Variants in CSNK2A2 observed in about 807,000 individuals in gnomAD.
The protein encoded by CSNK2A2 is casein kinase II subunit alpha'.
A neutral mutation model predicts 54.0 loss-of-function variants in CSNK2A2; 8 were observed. The observed-to-expected ratio is 0.15, with a 90% CI of 0.09 to 0.27. The LOEUF is 0.27. Among genes scored for constraint, CSNK2A2 ranks in the 10% least tolerant of loss-of-function variants. CSNK2A2 has a pLI of 1.00. For missense variants in CSNK2A2, 242 were observed against 439.4 expected, an observed-to-expected ratio of 0.55 and a Z score of 4.02; for synonymous variants, 141 against 153.9, an observed-to-expected ratio of 0.92 and a Z score of 0.62.
chr16:58,168,155 G>C (rs866490911), intron 6 of CSNK2A2, among the ~76,000 whole-genome samples: 1 of 151,948 alleles, frequency 6.6e-6, no homozygotes, highest in South Asian at 2.1e-4. Context: ...AAAGGGCTGG[G>C]GACACACATC....
At chr16:58,185,527 C>T (rs1250311092) in intron 3 of CSNK2A2, among the ~76,000 whole-genome samples, 1 of 152,210 alleles carries the variant, frequency 6.6e-6, no homozygotes, top group East Asian at 1.9e-4. Context: ...ATACCACATA[C>T]TGACTCACAT....
Position 58,168,806 on chromosome 16 carries a change from A to G in CSNK2A2, c.430-113T>C, listed in dbSNP as rs572532862. The G allele has an allele frequency of 9.0e-6, 7 of 777,722 alleles. No homozygotes were observed. In the African/African-American group the frequency reaches 1.2e-4, roughly 13 times the overall value. The allele number at this position is 777,722 out of a possible 1,614,324, so 48.2% of individuals were successfully genotyped here. ...ACTTGAATACAGTCCCCCAACGGGC[A>G]GCTTGCTGCCTGTAATGAAAGAGAA... is the stretch of plus-strand genomic sequence containing the variant. On this transcript the variant is annotated intron_variant, in intron 5 of 11. Coordinates refer to ENST00000262506, the MANE Select transcript of CSNK2A2 (RefSeq NM_001896.4).
intron 2 of CSNK2A2, among the ~76,000 whole-genome samples, chr16:58,191,074 G>A (rs1431384482): frequency 6.6e-6 from 1 of 152,204 alleles, no homozygotes; most frequent in Non-Finnish European, 1.5e-5. Context: ...GCATGCAACA[G>A]TGATAAACTT....
intron 4 of CSNK2A2, among the ~76,000 whole-genome samples, chr16:58,179,053 T>C (rs1339782066): frequency 6.6e-6 from 1 of 152,186 alleles, no homozygotes; most frequent in African/African-American, 2.4e-5. Context: ...GATGGCATTA[T>C]TGTATAAATA....
In CSNK2A2 at chr16:58,188,222, C is replaced by A. The variant is rs529882108; in HGVS notation, c.217-1366G>T. Among the ~76,000 whole-genome samples, 10 of 152,328 alleles carry A rather than the reference C, an allele frequency of 6.6e-5. 1 individual carries two copies. The South Asian group carries it at 1.5e-3, about 22-fold the overall frequency. ...CAACTGACAGGCTGGGCTCTCGCTGCGTCCTTGTGAGCCAGCTGCCATGAT... is the reference window on the plus strand; with the variant it reads ...CAACTGACAGGCTGGGCTCTCGCTGAGTCCTTGTGAGCCAGCTGCCATGAT... On this transcript the variant is annotated intron_variant, in intron 2 of 11. Transcript: ENST00000262506.
At chr16:58,170,257 A>G (rs1464818874) in intron 5 of CSNK2A2, among the ~76,000 whole-genome samples, 1 of 151,784 alleles carries the variant, frequency 6.6e-6, no homozygotes, top group East Asian at 1.9e-4. Context: ...ACTTCTCCCA[A>G]CCCCTCCGTG....
At chr16:58,178,438 T>C (rs951735523) in intron 4 of CSNK2A2, among the ~76,000 whole-genome samples, 3 of 151,846 alleles carry the variant, frequency 2.0e-5, no homozygotes, top group African/African-American at 7.3e-5. Flanking sequence ...GCGTGCACCA[T>C]AGCCCGCCGA....
chr16:58,159,190 A>C (rs1211320455), intron 11 of CSNK2A2: 1 of 152,328 alleles, frequency 6.6e-6, no homozygotes, highest in Non-Finnish European at 1.5e-5. Flanking sequence ...TCAGAGGCTC[A>C]GTGAGAAGAA....
At chr16:58,173,777 C>T (rs182114392) in intron 5 of CSNK2A2, among the ~76,000 whole-genome samples, 1 of 152,312 alleles carries the variant, frequency 6.6e-6, no homozygotes, top group African/African-American at 2.4e-5. Flanking sequence ...CAATGCTTTT[C>T]CCATCAAGAG....
chr16:58,166,463 G>C, intron 9 of CSNK2A2, 121 bp downstream of exon 9: 1 of 597,358 alleles, frequency 1.7e-6, no homozygotes, highest in Non-Finnish European at 2.9e-6. Context: ...ATATGCATAG[G>C]AAAAAAGAGG....
At chr16:58,173,214 T>C (rs1465602871) in intron 5 of CSNK2A2, among the ~76,000 whole-genome samples, 2 of 152,206 alleles carry the variant, frequency 1.3e-5, no homozygotes, top group Admixed American at 6.5e-5. Flanking sequence ...AGCTCGACCT[T>C]TTTCGTGTTT....
At chr16:58,167,879 AC>A in intron 6 of CSNK2A2, 84 bp from the exon 7 acceptor site, 3 of 1,029,162 alleles carry the variant, frequency 2.9e-6, no homozygotes, top group Non-Finnish European at 4.5e-6. Flanking sequence ...ACATTAGGTA[AC>A]AATCATTTGG....
intron 4 of CSNK2A2, among the ~76,000 whole-genome samples, chr16:58,183,054 T>C (rs1242894856): frequency 6.6e-6 from 1 of 152,126 alleles, no homozygotes; most frequent in African/African-American, 2.4e-5. Context: ...TTAGTCATTT[T>C]AGAGTGATTA....
Position 58,197,110 on chromosome 16 carries a change from C to A in CSNK2A2, c.105-266G>T. 1 of 442,358 alleles carries A rather than the reference C, an allele frequency of 2.3e-6. No homozygotes were observed. The highest frequency in any genetic ancestry group is 3.4e-5 in the Admixed American group (1 of 29,482). 27.4% of individuals were successfully genotyped at this position (442,358 alleles called of 1,614,324 possible). Reference sequence around the variant, plus strand: ...AGCCAATCCAGAGGGGCGAGCAAAGCACCCGTCCTGAAGGCCTAGAGGGTG... The same window carrying A: ...AGCCAATCCAGAGGGGCGAGCAAAGAACCCGTCCTGAAGGCCTAGAGGGTG... On this transcript the variant is annotated intron_variant, in intron 1 of 11. Transcript: ENST00000262506. The surrounding 1 kb of genome is among the most constrained non-coding windows in gnomAD (Gnocchi z 4.0).
intron 4 of CSNK2A2, among the ~76,000 whole-genome samples, chr16:58,182,564 A>C (rs1462618836): frequency 6.6e-6 from 1 of 151,494 alleles, no homozygotes; most frequent in Non-Finnish European, 1.5e-5. Context: ...CAAAAAAAAA[A>C]AAAAAAAAAC....
chr16:58,178,589 CTT>C (rs1235106378), intron 4 of CSNK2A2, among the ~76,000 whole-genome samples: 1 of 152,038 alleles, frequency 6.6e-6, no homozygotes, highest in Non-Finnish European at 1.5e-5. Flanking sequence ...GCCTGAGACA[CTT>C]TTAAGTATGG....
intron 11 of CSNK2A2, chr16:58,159,232 A>G (rs1385799955): frequency 6.6e-6 from 1 of 152,278 alleles, no homozygotes; most frequent in Non-Finnish European, 1.5e-5. Context: ...ACATTAATTA[A>G]AGATACCACC....
chr16:58,160,119 T>A (rs1016293598), intron 11 of CSNK2A2: 1 of 152,362 alleles, frequency 6.6e-6, no homozygotes, highest in Non-Finnish European at 1.5e-5. Flanking sequence ...TCTGGCCCGA[T>A]GCTTCTCCGC....
At chr16:58,177,173 A>G (rs1286192677) in intron 4 of CSNK2A2, among the ~76,000 whole-genome samples, 3 of 152,206 alleles carry the variant, frequency 2.0e-5, no homozygotes, top group African/African-American at 7.2e-5. Flanking sequence ...TCTGTCTTGC[A>G]TACATGTTTT....
Sources: gnomAD v4.1 joint callset for allele counts (sites outside exome capture counted in the v4.1 genomes callset) on GRCh38, gnomAD v4.1.1 for gene constraint, Gnocchi (gnomAD v3.1) non-coding constraint, MANE v1.5 for transcripts, NCBI Gene and HGNC (gene_info 2026-07-23, HGNC 2026-07-21) for gene names.